Variants in NEK4 observed in about 807,000 individuals in gnomAD.
NEK4 encodes NIMA related kinase 4, also known as serine/threonine-protein kinase Nek4.
Under a neutral mutation model 98.4 loss-of-function variants are expected in NEK4, and 86 were observed. That is an observed-to-expected ratio of 0.87 (90% CI 0.73 to 1.05). NEK4 has a LOEUF of 1.05. NEK4 is among the 50% of genes least tolerant of loss of function. The pLI is 0.00. For synonymous variants in NEK4, 328 were observed against 342.2 expected (o/e 0.96, Z 0.46); for missense variants, 898 against 950.3 (o/e 0.94, Z 0.72).
At chr3:52,716,207 G>A (rs1206516354) in intron 15 of NEK4, among the ~76,000 whole-genome samples, 1 of 152,162 alleles carries the variant, frequency 6.6e-6, no homozygotes, top group African/African-American at 2.4e-5. Context: ...ATAGTGCAAT[G>A]CCAGGCCATG....
chr3:52,758,200 A>G (rs972099145), intron 6 of NEK4, among the ~76,000 whole-genome samples: 17 of 150,038 alleles, frequency 1.1e-4, no homozygotes, highest in African/African-American at 1.7e-4. Flanking sequence ...AAAAAAAAAA[A>G]AAAGAAAGAA....
At chr3:52,745,117 C>T (rs113859860) in intron 10 of NEK4, among the ~76,000 whole-genome samples, 7,637 of 151,874 alleles carry the variant, frequency 0.05, 309 homozygotes, top group Non-Finnish European at 0.077. Context: ...GATGGGGTTT[C>T]ACTGTGTTAG....
chr3:52,734,212 C>T (rs1294264458), intron 15 of NEK4, among the ~76,000 whole-genome samples: 3 of 151,720 alleles, frequency 2.0e-5, no homozygotes, highest in Non-Finnish European at 2.9e-5. Context: ...TTTGGGAGGC[C>T]GAGGCGGGTG....
rs991512931 is a variant in NEK4, at chr3:52,730,265, A to G, written c.2433+7321T>C. Among the ~76,000 whole-genome samples the G allele has an allele frequency of 3.9e-5, 6 of 152,318 alleles. No homozygotes were observed. In the South Asian group the frequency reaches 1.2e-3, roughly 32 times the overall value. On this transcript the variant is annotated intron_variant, in intron 15 of 15. Transcript: ENST00000233027. ...AATAGAAAATCTGAATAGACCCATAACTAGTGTAAGGAGAATGAATCAATC... is the reference window on the plus strand; with the variant it reads ...AATAGAAAATCTGAATAGACCCATAGCTAGTGTAAGGAGAATGAATCAATC...
At chr3:52,754,342 T>C (rs1312627592) in intron 6 of NEK4, 3 of 386,622 alleles carry the variant, frequency 7.8e-6, no homozygotes, top group Non-Finnish European at 1.0e-5. Context: ...TAACCAAATT[T>C]GGCAAGTACT....
chr3:52,743,940 G>A (rs971057683), intron 11 of NEK4, among the ~76,000 whole-genome samples: 2 of 152,110 alleles, frequency 1.3e-5, no homozygotes, highest in Admixed American at 1.3e-4. Context: ...ACTGGACATG[G>A]AAAAAAGTTA....
At position 52,755,118 on chromosome 3, in the gene NEK4, G is replaced by GA. The variant is rs554319001; in HGVS notation, c.964-2783dup. Among the ~76,000 whole-genome samples the GA allele has an allele frequency of 8.0e-3, 932 of 117,226 alleles. 11 individuals carry two copies. The South Asian group carries it at 0.08, about 10-fold the overall frequency. The allele number at this position is 117,226 out of a possible 152,430, so 76.9% of individuals were successfully genotyped here. ...AAGAAAAACAAAACTTCTTAACAAT[G>GA]AAAAAAAAAAAAAGAAAGAAAGAAG... On this transcript the variant is annotated intron_variant, in intron 6 of 15. Coordinates refer to ENST00000233027, the MANE Select transcript of NEK4 (RefSeq NM_003157.6).
intron 6 of NEK4, chr3:52,753,772 C>T: frequency 5.6e-6 from 3 of 537,704 alleles, no homozygotes; most frequent in South Asian, 4.2e-5. Flanking sequence ...CTGAATTTAC[C>T]TTGGTTGCGG....
intron 2 of NEK4, 74 bp from the exon 3 acceptor site, chr3:52,766,449 C>G: frequency 9.4e-7 from 1 of 1,063,168 alleles, no homozygotes; most frequent in South Asian, 1.4e-5. Flanking sequence ...TATTATATAC[C>G]ATCAGCAATG....
intron 13 of NEK4, among the ~76,000 whole-genome samples, chr3:52,740,707 C>T (rs1374370010): frequency 6.6e-6 from 1 of 151,938 alleles, no homozygotes; most frequent in Admixed American, 6.6e-5. Flanking sequence ...CAGGAGAATA[C>T]CTTGAACTCA....
intron 15 of NEK4, among the ~76,000 whole-genome samples, chr3:52,715,410 G>A (rs1264834664): frequency 2.6e-5 from 4 of 152,030 alleles, no homozygotes; most frequent in South Asian, 2.1e-4. Context: ...TTTCTGAGAC[G>A]GAGCCTTGCT....
At chr3:52,731,710 G>A (rs1442634480) in intron 15 of NEK4, among the ~76,000 whole-genome samples, 1 of 152,200 alleles carries the variant, frequency 6.6e-6, no homozygotes, top group African/African-American at 2.4e-5. Context: ...AGCACACACA[G>A]GAGTCTTGCC....
At chr3:52,713,145 A>G (rs1049130919) in intron 15 of NEK4, among the ~76,000 whole-genome samples, 3 of 152,308 alleles carry the variant, frequency 2.0e-5, no homozygotes, top group Admixed American at 6.5e-5. Context: ...GTGACATTCA[A>G]TGTATGCTTG....
intron 4 of NEK4, among the ~76,000 whole-genome samples, chr3:52,763,983 A>G (rs556218347): frequency 9.4e-4 from 143 of 152,344 alleles, no homozygotes; most frequent in African/African-American, 3.2e-3. Flanking sequence ...ATTATCATGC[A>G]TTCTTCTTAT....
intron 15 of NEK4, among the ~76,000 whole-genome samples, chr3:52,717,717 G>C (rs1196295104): frequency 1.3e-5 from 2 of 152,118 alleles, no homozygotes; most frequent in Admixed American, 1.3e-4. Context: ...ACAGAATATG[G>C]AGTTAAAGCC....
rs757918629 is a variant in NEK4 at position 52,768,619 on chromosome 3, T to C, written c.94-15A>G. On this transcript the variant is annotated splice_polypyrimidine_tract_variant and intron_variant, in intron 1 of 15. Transcript: ENST00000233027. ...TTGATGACATACTAAAAACAAACCA[T>C]GTATTTTTACAATGTGCAAATAAAC... is the stretch of plus-strand genomic sequence containing the variant. 12 of 1,611,458 alleles carry C rather than the reference T, an allele frequency of 7.4e-6. No individual in the cohort carries two copies. Among genetic ancestry groups the C allele is most frequent in the African/African-American group, 4.0e-5 (3 of 74,834 alleles).
chr3:52,770,362 T>G (rs1698731437), intron 1 of NEK4, among the ~76,000 whole-genome samples: 3 of 133,972 alleles, frequency 2.2e-5, no homozygotes, highest in African/African-American at 8.4e-5. Context: ...TGCCAATTAG[T>G]ACAACAAAGA....
Position 52,727,212 on chromosome 3 carries a change from G to A in NEK4, c.2433+10374C>T, listed in dbSNP as rs575013518. 6.6e-5 allele frequency among the ~76,000 whole-genome samples: 10 copies of A among 152,198 alleles called. No individual in the cohort carries two copies. In the South Asian group the frequency reaches 1.9e-3, roughly 28 times the overall value. On this transcript the variant is annotated intron_variant, in intron 15 of 15. Coordinates refer to ENST00000233027, the MANE Select transcript of NEK4 (RefSeq NM_003157.6). ...TGGTCTCGAATTCCTGACCTTGGGT[G>A]ATCCACCAGCCTCAGCCTCCCAAAA...
At chr3:52,743,520 C>A in intron 11 of NEK4, 59 bp from the exon 12 acceptor site, 1 of 1,342,354 alleles carries the variant, frequency 7.4e-7, no homozygotes, top group Non-Finnish European at 1.1e-6. Context: ...TTGAAAAGGG[C>A]TTTGTATTTG....
Sources: allele counts gnomAD v4.1 joint callset (sites outside exome capture counted in the v4.1 genomes callset), GRCh38; gene constraint gnomAD v4.1.1; transcripts MANE v1.5; gene names NCBI Gene and HGNC (gene_info 2026-07-23, HGNC 2026-07-21).